The following C5 variants were observed in gnomAD, a reference collection of about 807,000 sequenced individuals.
C5 encodes the protein complement C5.
C5 carries 140 observed loss-of-function variants against 218.8 expected under a neutral mutation model. The ratio of observed to expected loss-of-function variants is 0.64; its 90% confidence interval spans 0.56 to 0.74. The LOEUF (loss-of-function observed/expected upper bound fraction) is 0.74, where lower values mean the gene tolerates loss of function less well. C5 is among the 30% of genes least tolerant of loss of function. C5 has a pLI of 0.00. For synonymous variants in C5, 614 were observed against 682.3 expected (o/e 0.90, Z 1.56); for missense variants, 1,700 against 1,969.6 (o/e 0.86, Z 2.59).
chr9:120,954,835 C>G (rs2046773336), intron 39 of C5, among the ~76,000 whole-genome samples: 1 of 152,196 alleles, frequency 6.6e-6, no homozygotes, highest in African/African-American at 2.4e-5. Flanking sequence ...TTAGTTCAAG[C>G]TGATTTCTTA....
intron 20 of C5, among the ~76,000 whole-genome samples, chr9:121,001,292 T>C (rs1246805528): frequency 6.6e-6 from 1 of 152,134 alleles, no homozygotes; most frequent in African/African-American, 2.4e-5. Context: ...CTAGGTAACT[T>C]ACCCCAGAAA....
At chr9:121,049,819 A>G (rs570548623) in intron 1 of C5, among the ~76,000 whole-genome samples, 1 of 152,312 alleles carries the variant, frequency 6.6e-6, no homozygotes, top group Non-Finnish European at 1.5e-5. Context: ...CTCCTAAATA[A>G]CCCTGGTTTA....
At chr9:120,956,437 GA>G (rs1412290283) in intron 39 of C5, among the ~76,000 whole-genome samples, 2 of 151,930 alleles carry the variant, frequency 1.3e-5, no homozygotes, top group Admixed American at 6.6e-5. Context: ...CAAACAAATG[GA>G]AAAACATTCC....
the C5 span, among the ~76,000 whole-genome samples, chr9:121,071,319 C>G: frequency 1.3e-5 from 2 of 148,776 alleles, no homozygotes; most frequent in Non-Finnish European, 3.0e-5. Flanking sequence ...GACTCTGTCT[C>G]AAAAAAACAA....
In C5 at chr9:121,046,220, T is replaced by C; in HGVS notation, c.229A>G (p.Asn77Asp). 6.3e-7 allele frequency: 1 copy of C among 1,599,320 alleles called. No homozygotes were observed. Among genetic ancestry groups the C allele is most frequent in the Non-Finnish European group, 8.6e-7 (1 of 1,168,374 alleles). ...SSGHVHLSSE[N>D]KFQNSAILTI... Reference sequence around the variant, plus strand: ...AAGATTGCAGAGTTTTGGAATTTATTCTCTGAGGATAAATGAACATGGCCT... The same window carrying C: ...AAGATTGCAGAGTTTTGGAATTTATCCTCTGAGGATAAATGAACATGGCCT... Residue 77 changes from asparagine (N) to aspartate (D), a missense_variant, in exon 2 of 41, where the codon AAT (asparagine) becomes GAT (aspartate). By Grantham distance (23) the Asn-to-Asp change is conservative. Transcript: ENST00000223642.
chr9:121,011,004 C>G (rs2047257500), intron 17 of C5, among the ~76,000 whole-genome samples: 1 of 152,186 alleles, frequency 6.6e-6, no homozygotes, highest in Non-Finnish European at 1.5e-5. Flanking sequence ...AGATTTAACT[C>G]TAAGACCTCT....
In C5 at chr9:120,971,663, T is replaced by G. The variant is rs530832073; in HGVS notation, c.4080+267A>C. 9.2e-5 allele frequency among the ~76,000 whole-genome samples: 14 copies of G among 152,328 alleles called. No homozygotes were observed. The East Asian group carries it at 1.9e-3, about 21-fold the overall frequency. On this transcript the variant is annotated intron_variant, in intron 31 of 40. Transcript: ENST00000223642. ...CGTGTTAGCCAGGGTGGTCTTGATCTCCTGACCTCGTGGTCTGCCCGCCTA... is the reference window on the plus strand; with the variant it reads ...CGTGTTAGCCAGGGTGGTCTTGATCGCCTGACCTCGTGGTCTGCCCGCCTA...
At chr9:121,025,735 G>A (rs1394185768) in intron 8 of C5, 155 bp from the exon 9 acceptor site, 2 of 645,204 alleles carry the variant, frequency 3.1e-6, no homozygotes, top group Non-Finnish European at 5.4e-6. Flanking sequence ...CCACGATTAA[G>A]CCCAGGATGT....
At chr9:121,039,500 T>C (rs1267532898) in intron 3 of C5, among the ~76,000 whole-genome samples, 1 of 151,996 alleles carries the variant, frequency 6.6e-6, no homozygotes, top group African/African-American at 2.4e-5. Flanking sequence ...TAGCCAGGCA[T>C]GGTGGCACGC....
Position 120,957,384 on chromosome 9 carries a change from C to T in C5, c.4679-16G>A, listed in dbSNP as rs1433064886. The T allele has an allele frequency of 6.3e-7, 1 of 1,594,886 alleles. No individual in the cohort carries two copies. Among genetic ancestry groups the T allele is most frequent in the East Asian group, 2.2e-5 (1 of 44,674 alleles). ...ACTTTATAAGCTGGCAAAAGACAAACAACAATGAAACAATTCAGTCTTAAT... is the reference window on the plus strand; with the variant it reads ...ACTTTATAAGCTGGCAAAAGACAAATAACAATGAAACAATTCAGTCTTAAT... On this transcript the variant is annotated splice_polypyrimidine_tract_variant and intron_variant, in intron 38 of 40. Coordinates refer to ENST00000223642, the MANE Select transcript of C5 (RefSeq NM_001735.3).
At chr9:121,018,551 G>A (rs1460871595) in intron 12 of C5, among the ~76,000 whole-genome samples, 2 of 147,452 alleles carry the variant, frequency 1.4e-5, no homozygotes, top group Non-Finnish European at 3.0e-5. Context: ...TCCAGCTTGG[G>A]GGACAGAGTG....
chr9:121,047,079 T>C (rs1175261105), intron 1 of C5, among the ~76,000 whole-genome samples: 1 of 152,186 alleles, frequency 6.6e-6, no homozygotes, highest in Admixed American at 6.5e-5. Flanking sequence ...CTTCAAACAA[T>C]AATGGTAATT....
chr9:120,972,303 C>T (rs578049447), intron 30 of C5, among the ~76,000 whole-genome samples: 27 of 152,310 alleles, frequency 1.8e-4, no homozygotes, highest in South Asian at 1.7e-3. Context: ...GGATCTTCAT[C>T]TCCTTTTGCC....
the C5 span, among the ~76,000 whole-genome samples, chr9:121,070,914 G>C: frequency 6.6e-6 from 1 of 152,002 alleles, no homozygotes; most frequent in African/African-American, 2.4e-5. Flanking sequence ...ATGATGTTTG[G>C]GATGATGGAT....
the C5 span, among the ~76,000 whole-genome samples, chr9:121,069,935 A>G: frequency 1.3e-5 from 2 of 152,194 alleles, no homozygotes; most frequent in Non-Finnish European, 2.9e-5. Flanking sequence ...CAATCCTACT[A>G]CTTGGCATTT....
In C5 at chr9:121,016,265, G is replaced by A; in HGVS notation, c.1985C>T (p.Ser662Phe). 1 of 1,614,020 alleles carries A rather than the reference G, an allele frequency of 6.2e-7. No individual in the cohort carries two copies. The highest frequency in any genetic ancestry group is 8.5e-7 in the Non-Finnish European group (1 of 1,179,900). Residue 662 changes from serine (S) to phenylalanine (F), a missense_variant, in exon 15 of 41, where the codon TCC (serine) becomes TTC (phenylalanine). Transcript: ENST00000223642. ...TFLTNANADD[S>F]QENDEPCKEI... ...GCTGAGCATTTTACCATTTTCTTGG[G>A]AGTCATCTGCATTTGCATTAGTGAG...
chr9:120,984,651 A>C (rs1396117806), intron 25 of C5, among the ~76,000 whole-genome samples: 2 of 152,042 alleles, frequency 1.3e-5, no homozygotes, highest in Admixed American at 6.6e-5. Context: ...TAAAGATTAA[A>C]TATATGAACA....
intron 38 of C5, among the ~76,000 whole-genome samples, chr9:120,960,036 C>T (rs916161371): frequency 2.0e-5 from 3 of 152,060 alleles, no homozygotes; most frequent in Admixed American, 6.5e-5. Context: ...GTATACATGT[C>T]ACTTCTATTA....
intron 40 of C5, among the ~76,000 whole-genome samples, chr9:120,953,471 T>C (rs560786653): frequency 2.0e-5 from 3 of 152,192 alleles, no homozygotes; most frequent in Non-Finnish European, 4.4e-5. Flanking sequence ...TCAAGGGAGC[T>C]GGTGTGGTGG....
Sources: gnomAD v4.1 joint callset for allele counts (sites outside exome capture counted in the v4.1 genomes callset) on GRCh38, gnomAD v4.1.1 for gene constraint, MANE v1.5 for transcripts, NCBI Gene and HGNC (gene_info 2026-07-23, HGNC 2026-07-21) for gene names.